Variants in RTTN observed in about 807,000 individuals in gnomAD.
RTTN encodes the protein rotatin.
In RTTN, 182 loss-of-function variants were observed where a neutral mutation model predicts 269.2. The ratio of observed to expected loss-of-function variants is 0.68; its 90% CI spans 0.60 to 0.76. RTTN has a LOEUF of 0.76. Ranked by LOEUF, RTTN falls within the 30% of genes least tolerant of loss-of-function variation. The probability of loss-of-function intolerance (pLI) is 0.00; values close to 1 mark genes in which losing one functional copy is unlikely to be tolerated. For synonymous variants in RTTN, 1,006 were observed against 963.5 expected, an observed-to-expected ratio of 1.04 and a Z score of -0.82; for missense variants, 2,545 against 2,608.6, an observed-to-expected ratio of 0.98 and a Z score of 0.53.
chr18:70,050,301 C>T (rs1049426603), intron 39 of RTTN, among the ~76,000 whole-genome samples: 10 of 152,012 alleles, frequency 6.6e-5, no homozygotes, highest in African/African-American at 9.7e-5. Context: ...GACATTTATG[C>T]GGCCGACAAA....
intron 32 of RTTN, among the ~76,000 whole-genome samples, chr18:70,084,874 TAAC>T (rs1258922086): frequency 6.6e-6 from 1 of 152,164 alleles, no homozygotes; most frequent in African/African-American, 2.4e-5. Flanking sequence ...GACTGGAGAA[TAAC>T]AAAACCAATA....
At chr18:70,155,742 C>T (rs924817100) in intron 14 of RTTN, among the ~76,000 whole-genome samples, 3 of 152,324 alleles carry the variant, frequency 2.0e-5, no homozygotes, top group African/African-American at 7.2e-5. Flanking sequence ...GGACCCCGAA[C>T]GGAGGGACCG....
intron 38 of RTTN, among the ~76,000 whole-genome samples, chr18:70,052,651 T>TATATATATATATAC (rs774350229): frequency 4.7e-5 from 7 of 149,084 alleles, no homozygotes; most frequent in Non-Finnish European, 1.0e-4. Flanking sequence ...CTTATATATA[T>TATATATATATATAC]ATATCATCAC....
rs373431248 is a variant in RTTN at position 70,196,539 on chromosome 18, T to C, written c.803A>G (p.Asn268Ser). 3.0e-5 allele frequency: 49 copies of C among 1,612,498 alleles called. No homozygotes were observed. The highest frequency in any genetic ancestry group is 3.9e-5 in the Non-Finnish European group (46 of 1,179,694). Residue 268 changes from asparagine (N) to serine (S), a missense_variant, in exon 7 of 49, where the codon AAC (asparagine) becomes AGC (serine). Asn to Ser is a conservative substitution (Grantham distance 46, BLOSUM62 1). Transcript: ENST00000640769. ...QLCMYLRNRL[N>S]FHRDPGFFSN... ...GAAAAAACCTGGATCTCGGTGAAAGTTAAGTCTGTTTCTTAAATACATGCA... is the reference window on the plus strand; with the variant it reads ...GAAAAAACCTGGATCTCGGTGAAAGCTAAGTCTGTTTCTTAAATACATGCA...
chr18:70,058,237 C>T (rs1008078785), intron 36 of RTTN, among the ~76,000 whole-genome samples: 1 of 152,138 alleles, frequency 6.6e-6, no homozygotes, highest in Non-Finnish European at 1.5e-5. Context: ...GTAAAACAGG[C>T]CGGGTGCGGT....
chr18:70,166,888 A>C, intron 13 of RTTN, 31 bp downstream of exon 13: 1 of 1,422,740 alleles, frequency 7.0e-7, no homozygotes, highest in Non-Finnish European at 9.9e-7. Context: ...GTCCAATAAT[A>C]ACGTAATCAC....
chr18:70,112,105 T>A (rs1818908375), intron 27 of RTTN, among the ~76,000 whole-genome samples: 1 of 152,140 alleles, frequency 6.6e-6, no homozygotes, highest in Non-Finnish European at 1.5e-5. Context: ...AAGCAAATGC[T>A]GAGAGATTTT....
At chr18:70,182,842 T>C (rs901570027) in intron 10 of RTTN, among the ~76,000 whole-genome samples, 2 of 152,152 alleles carry the variant, frequency 1.3e-5, no homozygotes, top group Admixed American at 6.6e-5. Context: ...TTTAATTCCA[T>C]ATTTTCTAAA....
At chr18:70,032,089 G>T (rs926954965) in intron 40 of RTTN, among the ~76,000 whole-genome samples, 2 of 152,222 alleles carry the variant, frequency 1.3e-5, no homozygotes, top group Admixed American at 1.3e-4. Flanking sequence ...TGGTATGGGA[G>T]TGTCTATAGC....
chr18:70,087,363 C>A (rs2058728227), intron 31 of RTTN, among the ~76,000 whole-genome samples: 1 of 152,058 alleles, frequency 6.6e-6, no homozygotes, highest in East Asian at 1.9e-4. Flanking sequence ...CAAGAAGCAG[C>A]CATAAATATA....
intron 34 of RTTN, among the ~76,000 whole-genome samples, chr18:70,072,364 A>C (rs2058318642): frequency 6.6e-6 from 1 of 152,176 alleles, no homozygotes; most frequent in Non-Finnish European, 1.5e-5. Context: ...TATATTTCTA[A>C]AAGTCTGTGT....
chr18:70,150,147 A>G, intron 15 of RTTN, 60 bp from the exon 16 acceptor site: 1 of 968,518 alleles, frequency 1.0e-6, no homozygotes, highest in Non-Finnish European at 1.6e-6. Flanking sequence ...AGGTCACCTG[A>G]CACACCTGGA....
intron 23 of RTTN, among the ~76,000 whole-genome samples, chr18:70,133,641 ATAAAG>A (rs1165267402): frequency 2.6e-5 from 4 of 152,140 alleles, no homozygotes. Context: ...CACTCTATTT[ATAAAG>A]TTCAAAAACT....
intron 26 of RTTN, among the ~76,000 whole-genome samples, chr18:70,121,006 G>C (rs1368035794): frequency 6.6e-6 from 1 of 151,790 alleles, no homozygotes; most frequent in Non-Finnish European, 1.5e-5. Context: ...AGCCAAGATC[G>C]CACCATTGCA....
intron 19 of RTTN, 21 bp downstream of exon 19, chr18:70,142,267 A>G: frequency 6.8e-7 from 1 of 1,464,850 alleles, no homozygotes; most frequent in Non-Finnish European, 9.5e-7. Flanking sequence ...TACAGCAATC[A>G]TTTCCCTTAA....
At chr18:70,090,551 A>G (rs2058818238) in intron 30 of RTTN, among the ~76,000 whole-genome samples, 1 of 152,122 alleles carries the variant, frequency 6.6e-6, no homozygotes, top group South Asian at 2.1e-4. Flanking sequence ...TTTGGCTACT[A>G]CTGATCTTCA....
intron 14 of RTTN, among the ~76,000 whole-genome samples, chr18:70,165,311 T>C (rs1452568822): frequency 6.6e-6 from 1 of 151,500 alleles, no homozygotes; most frequent in Non-Finnish European, 1.5e-5. Context: ...AATATTTATA[T>C]ATAAAGATAC....
intron 25 of RTTN, among the ~76,000 whole-genome samples, chr18:70,122,438 A>G (rs757430266): frequency 1.1e-4 from 16 of 152,264 alleles, no homozygotes; most frequent in African/African-American, 2.6e-4. Flanking sequence ...CAAAATGTTA[A>G]TAAGAGTGAC....
chr18:70,009,293 A>G (rs1326653369), intron 46 of RTTN, among the ~76,000 whole-genome samples: 1 of 151,898 alleles, frequency 6.6e-6, no homozygotes, highest in East Asian at 1.9e-4. Flanking sequence ...GCACCACCAC[A>G]CCTGGCTAAT....
Sources: gnomAD v4.1 joint callset for allele counts (sites outside exome capture counted in the v4.1 genomes callset) on GRCh38, gnomAD v4.1.1 for gene constraint, MANE v1.5 for transcripts, NCBI Gene and HGNC (gene_info 2026-07-23, HGNC 2026-07-21) for gene names.